Variants in NEDD4L observed in about 807,000 individuals in gnomAD.
The protein encoded by NEDD4L is NEDD4 like E3 ubiquitin protein ligase.
A neutral mutation model predicts 148.9 loss-of-function variants in NEDD4L; 54 were observed. The observed-to-expected ratio is 0.36, with a 90% CI of 0.29 to 0.45. The LOEUF is 0.45. NEDD4L is among the 20% of genes least tolerant of loss of function. The pLI is 1.00. For synonymous variants in NEDD4L, 433 were observed against 440.7 expected (o/e 0.98, Z 0.22); for missense variants, 856 against 1,233.8 (o/e 0.69, Z 4.59).
intron 2 of NEDD4L, among the ~76,000 whole-genome samples, chr18:58,166,688 C>T (rs1031968895): frequency 6.6e-6 from 1 of 152,220 alleles, no homozygotes; most frequent in Admixed American, 6.5e-5. Flanking sequence ...AACACTCCTC[C>T]TGCCTCTACC....
chr18:58,120,412 G>C (rs2086154828), intron 1 of NEDD4L, among the ~76,000 whole-genome samples: 1 of 152,216 alleles, frequency 6.6e-6, no homozygotes, highest in Admixed American at 6.5e-5. Flanking sequence ...AGGATGGAAT[G>C]AGGTAACAAA....
chr18:58,057,362 A>G (rs7227636), intron 1 of NEDD4L, among the ~76,000 whole-genome samples: 14,460 of 151,946 alleles, frequency 0.095, 1,006 homozygotes, highest in African/African-American at 0.2. Flanking sequence ...TGAACCTTCT[A>G]TTTGGAAAAG....
rs2042370930 is a variant in NEDD4L, at chr18:58,341,180, T to C, written c.1257+11T>C. Reference sequence around the variant, plus strand: ...CGACCTATCATGCAGGTACGAAGATTGCCATCCAACTTAAAACCGCAGGCC... The same window carrying C: ...CGACCTATCATGCAGGTACGAAGATCGCCATCCAACTTAAAACCGCAGGCC... On this transcript the variant is annotated intron_variant, in intron 14 of 30. Coordinates refer to ENST00000400345, the MANE Select transcript of NEDD4L (RefSeq NM_001144967.3). The C allele has an allele frequency of 1.9e-6, 3 of 1,611,386 alleles. No homozygotes were observed. Among genetic ancestry groups the C allele is most frequent in the East Asian group, 2.2e-5 (1 of 44,834 alleles).
At chr18:58,346,142 G>A (rs1042028474) in intron 16 of NEDD4L, among the ~76,000 whole-genome samples, 2 of 152,134 alleles carry the variant, frequency 1.3e-5, no homozygotes, top group Non-Finnish European at 2.9e-5. Flanking sequence ...GCATGCTGGA[G>A]ACCAGGGGCT....
intron 25 of NEDD4L, among the ~76,000 whole-genome samples, chr18:58,385,204 A>G (rs1369576512): frequency 6.6e-6 from 1 of 152,270 alleles, no homozygotes; most frequent in Non-Finnish European, 1.5e-5. Flanking sequence ...CCTTTTCTCC[A>G]TGTTGTCACA....
At chr18:58,388,756 A>G (rs985028694) in intron 27 of NEDD4L, 12 of 294,376 alleles carry the variant, frequency 4.1e-5, no homozygotes, top group African/African-American at 2.6e-4. Flanking sequence ...AGGGTAATGC[A>G]CAGATGCTGC....
At chr18:58,227,912 G>A in intron 2 of NEDD4L, 1 of 948,924 alleles carries the variant, frequency 1.1e-6, no homozygotes, top group Non-Finnish European at 1.3e-6. Context: ...TAGCAAGTAA[G>A]GCTATTTTAT....
intron 2 of NEDD4L, among the ~76,000 whole-genome samples, chr18:58,187,140 G>A (rs1168337473): frequency 6.6e-6 from 1 of 152,196 alleles, no homozygotes; most frequent in African/African-American, 2.4e-5. Context: ...AGACCCCACG[G>A]AGGGTCTTCA....
chr18:58,243,174 C>T (rs568751299), intron 2 of NEDD4L, among the ~76,000 whole-genome samples: 3 of 152,094 alleles, frequency 2.0e-5, no homozygotes, highest in Non-Finnish European at 2.9e-5. Flanking sequence ...ATATAATAGC[C>T]GGCAATCATG....
intron 30 of NEDD4L, among the ~76,000 whole-genome samples, chr18:58,392,405 C>T (rs2049953746): frequency 6.6e-6 from 1 of 152,212 alleles, no homozygotes; most frequent in African/African-American, 2.4e-5. Context: ...CCAAACACTC[C>T]CTGCAGGAAA....
chr18:58,241,925 C>A (rs981319717), intron 2 of NEDD4L, among the ~76,000 whole-genome samples: 1 of 152,010 alleles, frequency 6.6e-6, no homozygotes, highest in Non-Finnish European at 1.5e-5. Context: ...CATGTTCTTG[C>A]GTAGCATTGA....
At chr18:58,388,984 G>C in intron 27 of NEDD4L, 101 bp from the exon 28 acceptor site, 2 of 894,280 alleles carry the variant, frequency 2.2e-6, no homozygotes, top group Non-Finnish European at 3.7e-6. Flanking sequence ...TTACCTTCGC[G>C]GCACAGTGAC....
At chr18:58,364,178 C>T (rs1395579793) in intron 19 of NEDD4L, 90 bp from the exon 20 acceptor site, 33 of 765,492 alleles carry the variant, frequency 4.3e-5, no homozygotes, top group Non-Finnish European at 6.4e-5. Flanking sequence ...CGGTTTATGA[C>T]TCATGAAATT....
intron 2 of NEDD4L, among the ~76,000 whole-genome samples, chr18:58,188,610 C>T (rs1295753164): frequency 6.6e-6 from 1 of 152,248 alleles, no homozygotes; most frequent in Non-Finnish European, 1.5e-5. Flanking sequence ...CCAGTACACT[C>T]TCAAGCCCTG....
intron 2 of NEDD4L, among the ~76,000 whole-genome samples, chr18:58,194,517 G>A (rs749323956): frequency 1.0e-3 from 153 of 152,170 alleles, no homozygotes; most frequent in Non-Finnish European, 1.7e-3. Flanking sequence ...CTTAAAAGGG[G>A]CCTGTTCTTG....
In NEDD4L at chr18:58,256,926, A is replaced by G. The variant is rs191765579; in HGVS notation, c.297+4872A>G. 1.3e-5 allele frequency among the ~76,000 whole-genome samples: 2 copies of G among 152,260 alleles called. No homozygotes were observed. Among genetic ancestry groups the G allele is most frequent in the Admixed American group, 6.5e-5 (1 of 15,294 alleles). ...TGTTTGGCCGAGTTCTGGCACGATG[A>G]TTTGTGGTCCAGTGTTTGGTGCGCA... On this transcript the variant is annotated intron_variant, in intron 5 of 30. Coordinates refer to ENST00000400345, the MANE Select transcript of NEDD4L (RefSeq NM_001144967.3). The surrounding 1 kb of genome is among the most constrained non-coding windows in gnomAD (Gnocchi z 5.2).
intron 8 of NEDD4L, 109 bp from the exon 9 acceptor site, chr18:58,324,887 C>G: frequency 9.9e-7 from 1 of 1,014,228 alleles, no homozygotes; most frequent in East Asian, 2.4e-5. Flanking sequence ...ATGGCTAGAG[C>G]CAGAGAGCCC....
At chr18:58,309,568 C>T (rs993915027) in intron 5 of NEDD4L, among the ~76,000 whole-genome samples, 1 of 151,914 alleles carries the variant, frequency 6.6e-6, no homozygotes, top group African/African-American at 2.4e-5. Flanking sequence ...CCTGAAGGAG[C>T]TGATGAGGAA....
At chr18:58,317,618 G>A (rs934551219) in intron 6 of NEDD4L, among the ~76,000 whole-genome samples, 5 of 152,218 alleles carry the variant, frequency 3.3e-5, no homozygotes, top group African/African-American at 4.8e-5. Context: ...GAAAGGTTGA[G>A]TAGGGCTCCC....
Sources: allele counts gnomAD v4.1 joint callset (sites outside exome capture counted in the v4.1 genomes callset), GRCh38; gene constraint gnomAD v4.1.1; non-coding constraint Gnocchi (gnomAD v3.1); transcripts MANE v1.5; gene names NCBI Gene and HGNC (gene_info 2026-07-23, HGNC 2026-07-21).